Variants in NR4A3 observed in about 807,000 individuals in gnomAD.
NR4A3 encodes the protein nuclear receptor subfamily 4 group A member 3.
Under a neutral mutation model 55.6 loss-of-function variants are expected in NR4A3, and 13 were observed. The observed-to-expected ratio is 0.23, with a 90% CI of 0.15 to 0.37. NR4A3 has a LOEUF of 0.37. Ranked by LOEUF, NR4A3 falls within the 10% of genes least tolerant of loss-of-function variation. NR4A3 has a pLI of 1.00. For missense variants in NR4A3, 646 were observed against 822.8 expected, an observed-to-expected ratio of 0.79 and a Z score of 2.63; for synonymous variants, 342 against 357.9, an observed-to-expected ratio of 0.96 and a Z score of 0.50.
Position 99,828,869 on chromosome 9 carries a change from G to T in NR4A3, c.827G>T (p.Ser276Ile). The T allele has an allele frequency of 6.7e-7, 1 of 1,499,086 alleles. No homozygotes were observed. Among genetic ancestry groups the T allele is most frequent in the African/African-American group, 1.4e-5 (1 of 70,048 alleles). The allele number at this position is 1,499,086 out of a possible 1,614,324, so 92.9% of individuals were successfully genotyped here. The change falls in exon 3 of 8, where the codon AGC becomes ATC. Residue 276 changes from serine to isoleucine, a missense_variant. Transcript: ENST00000395097. This position sits in a 1 kb window ranked among gnomAD's most constrained non-coding sequence, Gnocchi z 7.7. Reference protein sequence around the residue: ...TASSLLGESPSLPSPPSRSSS... With the variant: ...TASSLLGESPILPSPPSRSSS... ...TCCAGCCTGCTGGGCGAGAGTCCCA[G>T]CCTGCCGTCGCCGCCCAGCAGGAGC...
In NR4A3 at chr9:99,828,110, G is replaced by T. The variant is rs1463290950; in HGVS notation, c.68G>T (p.Ser23Ile). ...PGSSYAAQTYSSEYTTEIMNP... is the reference protein window; with the variant it reads ...PGSSYAAQTYISEYTTEIMNP... ...TCCAGTTATGCGGCGCAGACATACA[G>T]CTCGGAATACACCACGGAGATCATG... Residue 23 changes from serine (S) to isoleucine (I), a missense_variant, in exon 3 of 8, where the codon AGC becomes ATC. By Grantham distance (142) the Ser-to-Ile change is moderately radical (BLOSUM62 -2). This residue lies in a region of NR4A3 where 426 missense variants were observed against 429.4 expected (regional missense o/e 0.99). Coordinates refer to ENST00000395097, the MANE Select transcript of NR4A3 (RefSeq NM_006981.4). The surrounding 1 kb of genome is among the most constrained non-coding windows in gnomAD (Gnocchi z 7.7). 1.9e-6 allele frequency: 3 copies of T among 1,614,046 alleles called. No individual in the cohort carries two copies. Among genetic ancestry groups the T allele is most frequent in the Non-Finnish European group, 2.5e-6 (3 of 1,180,012 alleles).
chr9:99,861,144 T>C (rs757670808), intron 7 of NR4A3, among the ~76,000 whole-genome samples: 2 of 152,234 alleles, frequency 1.3e-5, no homozygotes, highest in African/African-American at 2.4e-5. Context: ...CTTTATAGCA[T>C]ATTGCATTGA....
At chr9:99,832,422 T>C (rs532654642) in intron 3 of NR4A3, among the ~76,000 whole-genome samples, 1 of 152,326 alleles carries the variant, frequency 6.6e-6, no homozygotes, top group South Asian at 2.1e-4. Context: ...GTATGATATG[T>C]TGACCTGGTA....
At position 99,864,918 on chromosome 9, in the gene NR4A3, T is replaced by C. The variant is rs1828068316; in HGVS notation, c.*1051T>C. The C allele has an allele frequency of 4.8e-6, 1 of 207,460 alleles. No homozygotes were observed. The allele number at this position is 207,460 out of a possible 1,614,324, so 12.9% of individuals were successfully genotyped here. On this transcript the variant is annotated 3_prime_UTR_variant, in exon 8 of 8. Transcript: ENST00000395097. ...GCACCAGGGACAATAAGGATTTTTA[T>C]AGATATAATTTAATTTTTGTTATTG...
chr9:99,828,077 C>T lies in NR4A3; in HGVS notation c.35C>T (p.Pro12Leu). Reference sequence around the variant, plus strand: ...GTCCAAGCCCAATATAGCCCTTCCCCTCCAGGTTCCAGTTATGCGGCGCAG... The same window carrying T: ...GTCCAAGCCCAATATAGCCCTTCCCTTCCAGGTTCCAGTTATGCGGCGCAG... ...PCVQAQYSPSPPGSSYAAQTY... is the reference protein window; with the variant it reads ...PCVQAQYSPSLPGSSYAAQTY... The change falls in exon 3 of 8, where the codon CCT (proline) becomes CTT (leucine). Residue 12 changes from proline to leucine, a missense_variant. Physicochemically the swap from Pro to Leu is moderately conservative, Grantham distance 98. Transcript: ENST00000395097. This position sits in a 1 kb window ranked among gnomAD's most constrained non-coding sequence, Gnocchi z 7.7. 6.2e-7 allele frequency: 1 copy of T among 1,614,078 alleles called. No homozygotes were observed. The highest frequency in any genetic ancestry group is 1.7e-5 in the Admixed American group (1 of 60,020).
In NR4A3 at chr9:99,864,946, TAAG is replaced by T. The variant is rs775774430; in HGVS notation, c.*1080_*1082del. 43 of 198,250 alleles carry T rather than the reference TAAG, an allele frequency of 2.2e-4. No individual in the cohort carries two copies. The highest frequency in any genetic ancestry group is 3.9e-4 in the Non-Finnish European group (38 of 98,026). The allele number at this position is 198,250 out of a possible 1,614,324, so 12.3% of individuals were successfully genotyped here. A position where few individuals can be genotyped will look rare whatever the true frequency, so the allele number is the denominator to read the frequency against. ...ATATAATTTAATTTTTGTTATTGGTTAAGGAGACAATTTTGGAGAGCAAGCAAA... is the reference window on the plus strand; with the variant it reads ...ATATAATTTAATTTTTGTTATTGGTTGAGACAATTTTGGAGAGCAAGCAAA... On this transcript the variant is annotated 3_prime_UTR_variant, in exon 8 of 8. Transcript: ENST00000395097.
chr9:99,863,882 G>T lies in NR4A3; in HGVS notation c.*15G>T. On this transcript the variant is annotated 3_prime_UTR_variant, in exon 8 of 8. Transcript: ENST00000395097. ...TACCTTTCTAATCAGGAGCAGTGGA[G>T]CAGTGAGCTGCCTCCTCTCCTAGCA... is the stretch of plus-strand genomic sequence containing the variant. 6.2e-7 allele frequency: 1 copy of T among 1,605,152 alleles called. No homozygotes were observed. Among genetic ancestry groups the T allele is most frequent in the South Asian group, 1.1e-5 (1 of 89,838 alleles).
rs181007318 is a variant in NR4A3 at position 99,823,050 on chromosome 9, C to T, written c.-177+643C>T. Among the ~76,000 whole-genome samples the T allele has an allele frequency of 4.9e-3, 746 of 152,258 alleles. 17 individuals carry two copies. The highest frequency in any genetic ancestry group is 2.8e-3 in the Non-Finnish European group (193 of 68,024). On this transcript the variant is annotated intron_variant, in intron 1 of 7. Coordinates refer to ENST00000395097, the MANE Select transcript of NR4A3 (RefSeq NM_006981.4). Reference sequence around the variant, plus strand: ...GGTTCCACTAGGCACGTCTGCCTGTCGTCGCTGACATGCCGGTTTACACTT... The same window carrying T: ...GGTTCCACTAGGCACGTCTGCCTGTTGTCGCTGACATGCCGGTTTACACTT...
intron 5 of NR4A3, among the ~76,000 whole-genome samples, chr9:99,834,273 G>C (rs896795747): frequency 6.6e-6 from 1 of 152,042 alleles, no homozygotes; most frequent in African/African-American, 2.4e-5. Context: ...GATTTCCTGA[G>C]CAAATGAATA....
At chr9:99,830,803 CAAG>C (rs1011581605) in intron 3 of NR4A3, among the ~76,000 whole-genome samples, 1 of 152,138 alleles carries the variant, frequency 6.6e-6, no homozygotes, top group African/African-American at 2.4e-5. Context: ...AAGAAAAAAA[CAAG>C]AATTATGAAT....
At chr9:99,827,314 G>GT (rs146036361) in intron 2 of NR4A3, among the ~76,000 whole-genome samples, 2,042 of 151,140 alleles carry the variant, frequency 0.014, 25 homozygotes, top group Non-Finnish European at 0.019. Flanking sequence ...ATGGGTGGGT[G>GT]TTTTGTTGCA....
chr9:99,850,236 G>T (rs988356571), intron 7 of NR4A3, among the ~76,000 whole-genome samples: 3 of 152,166 alleles, frequency 2.0e-5, no homozygotes, highest in Non-Finnish European at 2.9e-5. Context: ...TTGCGTTTTA[G>T]AAAGATTTAC....
intron 6 of NR4A3, among the ~76,000 whole-genome samples, 179 bp downstream of exon 6, chr9:99,845,027 G>A (rs143085390): frequency 7.2e-5 from 11 of 152,168 alleles, no homozygotes; most frequent in East Asian, 1.9e-4. Context: ...ACCAGGACCC[G>A]TGGGTTCTAG....
chr9:99,865,720 G>T lies in NR4A3; in HGVS notation c.*1853G>T. 1 of 203,400 alleles carries T rather than the reference G, an allele frequency of 4.9e-6. No homozygotes were observed. The allele number at this position is 203,400 out of a possible 1,614,324, so 12.6% of individuals were successfully genotyped here. A position where few individuals can be genotyped will look rare whatever the true frequency, so the allele number is the denominator to read the frequency against. Reference sequence around the variant, plus strand: ...CAATCAAACAAATGCCAAATGAATTGCCTAATTGCTGCAAAGTATAACCCA... The same window carrying T: ...CAATCAAACAAATGCCAAATGAATTTCCTAATTGCTGCAAAGTATAACCCA... On this transcript the variant is annotated 3_prime_UTR_variant, in exon 8 of 8. Transcript: ENST00000395097. This position sits in a 1 kb window ranked among gnomAD's most constrained non-coding sequence, Gnocchi z 4.3.
rs190910004 is a variant in NR4A3, at chr9:99,855,327, T to C, written c.1633+7712T>C. Reference sequence around the variant, plus strand: ...GTATCTGGCATATGACAAATATTCATTGAATGAATGGGCCAATTGTGAGTA... The same window carrying C: ...GTATCTGGCATATGACAAATATTCACTGAATGAATGGGCCAATTGTGAGTA... On this transcript the variant is annotated intron_variant, in intron 7 of 7. Coordinates refer to ENST00000395097, the MANE Select transcript of NR4A3 (RefSeq NM_006981.4). Among the ~76,000 whole-genome samples the C allele has an allele frequency of 1.8e-4, 28 of 152,328 alleles. No homozygotes were observed. The East Asian group carries it at 5.4e-3, about 29-fold the overall frequency.
At chr9:99,834,960 A>C in intron 5 of NR4A3, 1 of 982,062 alleles carries the variant, frequency 1.0e-6, no homozygotes, top group Non-Finnish European at 1.2e-6. Context: ...GCTTCTTTGG[A>C]ATCATGCGGG....
Position 99,822,339 on chromosome 9 carries a change from C to CTGTGCAGATTTCGGGA in NR4A3, c.-245_-244insTGTGCAGATTTCGGGA, listed in dbSNP as rs1319714209. The CTGTGCAGATTTCGGGA allele has an allele frequency of 1.3e-5, 2 of 152,418 alleles. No homozygotes were observed. The highest frequency in any genetic ancestry group is 1.3e-4 in the Admixed American group (2 of 15,296). 9.4% of individuals were successfully genotyped at this position (152,418 alleles called of 1,614,324 possible). ...CTTCCGGGACAGCAGCTGTGACTCC[C>CTGTGCAGATTTCGGGA]CCCCAGTGCAGATTTCGGGACAGCT... On this transcript the variant is annotated 5_prime_UTR_variant, in exon 1 of 8. The change abolishes the stop of an existing upstream ORF in the 5' untranslated region. Transcript: ENST00000395097. The surrounding 1 kb of genome is among the most constrained non-coding windows in gnomAD (Gnocchi z 4.9).
chr9:99,833,623 A>C, intron 5 of NR4A3, 169 bp downstream of exon 5: 1 of 1,597,708 alleles, frequency 6.3e-7, no homozygotes, highest in Non-Finnish European at 8.5e-7. Flanking sequence ...CCATTGCAGC[A>C]AATAATTTTT....
At chr9:99,858,008 G>T (rs1827956663) in intron 7 of NR4A3, among the ~76,000 whole-genome samples, 2 of 151,940 alleles carry the variant, frequency 1.3e-5, no homozygotes, top group African/African-American at 2.4e-5. Context: ...ATATTTATTG[G>T]GTGTCTCCTA....
Sources: gnomAD v4.1 joint callset for allele counts (sites outside exome capture counted in the v4.1 genomes callset) on GRCh38, gnomAD v4.1.1 for gene constraint, gnomAD v4.1.1 regional missense constraint, Gnocchi (gnomAD v3.1) non-coding constraint, MANE v1.5 for transcripts, NCBI Gene and HGNC (gene_info 2026-07-23, HGNC 2026-07-21) for gene names.